The following COQ8B variants were observed in gnomAD, a reference collection of about 807,000 sequenced individuals.
COQ8B encodes the protein coenzyme Q8B.
Under a neutral mutation model 62.0 loss-of-function variants are expected in COQ8B, and 44 were observed. That is an observed-to-expected ratio of 0.71 (90% confidence interval 0.56 to 0.91). COQ8B has a LOEUF of 0.91. Ranked by LOEUF, COQ8B falls within the 40% of genes least tolerant of loss-of-function variation. The probability of loss-of-function intolerance (pLI) is 0.00; values close to 1 mark genes in which losing one functional copy is unlikely to be tolerated. For missense variants in COQ8B, 649 were observed against 731.6 expected (o/e 0.89, Z 1.30); for synonymous variants, 252 against 289.9 (o/e 0.87, Z 1.33).
rs2082080288 is a variant in COQ8B, at chr19:40,703,805, G to A, written c.627C>T (p.Ser209=). Residue 209 remains serine, a synonymous_variant, in exon 8 of 15, where the codon TCC becomes TCT. Transcript: ENST00000324464. ...CAGCGGCAAAGGGCACCTCCTCCAA[G>A]GAGGCCACCTTGGCCTGCCAGTCCC... The part of the protein sequence containing the change: ...LGRDWQAKVA[S]LEEVPFAAAS... 1 of 1,613,898 alleles carries A rather than the reference G, an allele frequency of 6.2e-7. No homozygotes were observed. The highest frequency in any genetic ancestry group is 1.3e-5 in the African/African-American group (1 of 75,070).
intron 3 of COQ8B, 62 bp from the exon 4 acceptor site, chr19:40,714,195 C>T (rs755989337): frequency 3.1e-6 from 5 of 1,610,138 alleles, no homozygotes; most frequent in Non-Finnish European, 4.2e-6. Flanking sequence ...AGAGTGCAGC[C>T]ACTCTGCCAC....
At chr19:40,706,707 G>A (rs2115239) in intron 5 of COQ8B, among the ~76,000 whole-genome samples, 65,842 of 151,958 alleles carry the variant, frequency 0.43, 15,001 homozygotes, top group Admixed American at 0.54. Flanking sequence ...GGATCCTCCC[G>A]CCCCAGCTTC....
chr19:40,709,718 T>A (rs2082126370), intron 5 of COQ8B, among the ~76,000 whole-genome samples: 1 of 152,140 alleles, frequency 6.6e-6, no homozygotes, highest in Non-Finnish European at 1.5e-5. Flanking sequence ...GGCATGTGCC[T>A]ATAATCCCAG....
chr19:40,697,820 A>C (rs1435710600), intron 12 of COQ8B, among the ~76,000 whole-genome samples: 2 of 109,374 alleles, frequency 1.8e-5, no homozygotes, highest in Admixed American at 1.0e-4. Flanking sequence ...AAATAAATAA[A>C]ATTATATATA....
intron 5 of COQ8B, among the ~76,000 whole-genome samples, chr19:40,707,370 C>T (rs1483361815): frequency 6.6e-6 from 1 of 151,840 alleles, no homozygotes; most frequent in African/African-American, 2.4e-5. Flanking sequence ...ACTTTATGTC[C>T]CTACAGATTT....
intron 12 of COQ8B, among the ~76,000 whole-genome samples, chr19:40,698,442 G>A (rs6508944): frequency 6.6e-6 from 1 of 151,504 alleles, no homozygotes; most frequent in Non-Finnish European, 1.5e-5. Flanking sequence ...GGAGGCTGAG[G>A]TGGGAGAATT....
At chr19:40,709,347 T>C (rs888283838) in intron 5 of COQ8B, among the ~76,000 whole-genome samples, 3 of 152,242 alleles carry the variant, frequency 2.0e-5, no homozygotes, top group African/African-American at 7.2e-5. Flanking sequence ...TAATCTGGAA[T>C]ATCCACCCCC....
chr19:40,692,253 G>GCAC lies in COQ8B; in HGVS notation c.1414_1416dup (p.Val472dup), dbSNP rs2081977417. The GCAC allele has an allele frequency of 3.1e-6, 5 of 1,612,884 alleles. No homozygotes were observed. The highest frequency in any genetic ancestry group is 1.3e-5 in the African/African-American group (1 of 74,868). ...GGGGGACACAGCCGGTGCCGCAGCA[G>GCAC]CACCGGGATGAGGTCCTGTATGCGG... On this transcript the variant is annotated inframe_insertion, in exon 15 of 15. Transcript: ENST00000324464.
chr19:40,700,050 C>T lies in COQ8B; in HGVS notation c.1143+17G>A, dbSNP rs765739053. The T allele has an allele frequency of 6.2e-7, 1 of 1,608,226 alleles. No individual in the cohort carries two copies. The highest frequency in any genetic ancestry group is 8.5e-7 in the Non-Finnish European group (1 of 1,174,616). ...ACAACAGCAAATGTACCCAGACACA[C>T]ATCACTAGGAACCAACCTGGTGGCT... is the stretch of plus-strand genomic sequence containing the variant. On this transcript the variant is annotated intron_variant, in intron 12 of 14. Transcript: ENST00000324464.
rs145108055 is a variant in COQ8B at position 40,695,873 on chromosome 19, CTATTATT to C, written c.1209+109_1209+115del. On this transcript the variant is annotated intron_variant, in intron 13 of 14. Transcript: ENST00000324464. ...TGTGTGCTAGTTGCTACGAGTATTA[CTATTATT>C]TATTATTTCTTAATTCCAGAAACTG... 0.013 allele frequency: 13,859 copies of C among 1,076,070 alleles called. 833 individuals carry two copies. The African/African-American group carries it at 0.16, about 13-fold the overall frequency. The allele number at this position is 1,076,070 out of a possible 1,614,324, so 66.7% of individuals were successfully genotyped here.
chr19:40,710,089 T>C lies in COQ8B; in HGVS notation c.337A>G (p.Lys113Glu). ...TGCAGACGACCTCCTGGCATGGACT[T>C]CTTAGCCATCTCGGCCAGTACTCCT... ...GLGVLAEMAKKSMPGGRLQSE... is the reference protein window; with the variant it reads ...GLGVLAEMAKESMPGGRLQSE... Residue 113 changes from lysine (K) to glutamate (E), a missense_variant, in exon 5 of 15, where the codon AAG (lysine) becomes GAG (glutamate). By Grantham distance (56) the Lys-to-Glu change is moderately conservative (BLOSUM62 1). Transcript: ENST00000324464. 6.2e-7 allele frequency: 1 copy of C among 1,613,916 alleles called. No individual in the cohort carries two copies. The highest frequency in any genetic ancestry group is 2.2e-5 in the East Asian group (1 of 44,860).
chr19:40,692,898 C>G, intron 14 of COQ8B, 53 bp downstream of exon 14: 3 of 1,534,524 alleles, frequency 2.0e-6, no homozygotes, highest in Non-Finnish European at 2.7e-6. Flanking sequence ...AGCAGCCCCC[C>G]ACTGCACCCC....
chr19:40,698,630 C>T (rs1215365822), intron 12 of COQ8B, among the ~76,000 whole-genome samples: 1 of 151,750 alleles, frequency 6.6e-6, no homozygotes, highest in African/African-American at 2.4e-5. Flanking sequence ...GGGGTATGAA[C>T]CTAGGAGGGG....
chr19:40,708,693 TGAGCA>T (rs778852768), intron 5 of COQ8B, among the ~76,000 whole-genome samples: 13 of 151,786 alleles, frequency 8.6e-5, no homozygotes, highest in Non-Finnish European at 1.3e-4. Context: ...TTTGGGAGGC[TGAGCA>T]GGGAGGATCA....
At chr19:40,715,698 C>T (rs2082180320) in intron 1 of COQ8B, 4 of 825,920 alleles carry the variant, frequency 4.8e-6, no homozygotes, top group Non-Finnish European at 5.8e-6. Context: ...CTCTCCGCTC[C>T]CCGCCCACCT....
intron 5 of COQ8B, among the ~76,000 whole-genome samples, chr19:40,706,094 C>T (rs542850274): frequency 3.9e-5 from 6 of 152,168 alleles, no homozygotes; most frequent in Admixed American, 2.6e-4. Flanking sequence ...TGAAAGCAGC[C>T]GGGTGCATGA....
At chr19:40,693,954 C>A (rs950404008) in intron 13 of COQ8B, among the ~76,000 whole-genome samples, 1 of 152,164 alleles carries the variant, frequency 6.6e-6, no homozygotes, top group African/African-American at 2.4e-5. Context: ...TCTGCTCCCC[C>A]TGCCCGAGCA....
intron 13 of COQ8B, 125 bp from the exon 14 acceptor site, chr19:40,693,162 C>T (rs1421360744): frequency 4.0e-6 from 3 of 741,104 alleles, no homozygotes; most frequent in Non-Finnish European, 6.7e-6. Context: ...GGCCCTCCCT[C>T]ACCTGGAAGC....
chr19:40,709,509 G>A (rs1057173849), intron 5 of COQ8B, among the ~76,000 whole-genome samples: 1 of 152,114 alleles, frequency 6.6e-6, no homozygotes, highest in Admixed American at 6.6e-5. Context: ...TTCTGCTCCT[G>A]CTCCAAGTTA....
Sources: allele counts gnomAD v4.1 joint callset (sites outside exome capture counted in the v4.1 genomes callset), GRCh38; gene constraint gnomAD v4.1.1; transcripts MANE v1.5; gene names NCBI Gene and HGNC (gene_info 2026-07-23, HGNC 2026-07-21).